The following TCF4 variants were observed in gnomAD, a reference collection of about 807,000 sequenced individuals.
TCF4 encodes SL3-3 enhancer factor 2.
Under a neutral mutation model 82.1 loss-of-function variants are expected in TCF4, and 3 were observed. The ratio of observed to expected loss-of-function variants is 0.04; its 90% CI spans 0.02 to 0.09. The LOEUF is 0.09. Ranked by LOEUF, TCF4 falls within the 10% of genes least tolerant of loss-of-function variation. The probability of loss-of-function intolerance (pLI) is 1.00; values close to 1 mark genes in which losing one functional copy is unlikely to be tolerated. For synonymous variants in TCF4, 276 were observed against 309.6 expected, an observed-to-expected ratio of 0.89 and a Z score of 1.14; for missense variants, 518 against 852.7, an observed-to-expected ratio of 0.61 and a Z score of 4.89.
intron 8 of TCF4, among the ~76,000 whole-genome samples, chr18:55,303,939 T>C (rs962628558): frequency 2.6e-5 from 4 of 152,276 alleles, no homozygotes; most frequent in Non-Finnish European, 4.4e-5. Flanking sequence ...TTCTCACCTC[T>C]TCACTTCCAA....
At chr18:55,522,131 C>T (rs915233132) in intron 3 of TCF4, among the ~76,000 whole-genome samples, 2 of 152,104 alleles carry the variant, frequency 1.3e-5, no homozygotes, top group African/African-American at 4.8e-5. Context: ...CTGATGTTAC[C>T]AGAGTGATGA....
intron 3 of TCF4, among the ~76,000 whole-genome samples, chr18:55,584,256 G>C (rs2097609279): frequency 6.6e-6 from 1 of 152,038 alleles, no homozygotes; most frequent in African/African-American, 2.4e-5. Flanking sequence ...TATATTCATA[G>C]TTGACAGACA....
chr18:55,424,089 CA>C (rs1326638661), intron 5 of TCF4, among the ~76,000 whole-genome samples: 1 of 152,148 alleles, frequency 6.6e-6, no homozygotes, highest in Non-Finnish European at 1.5e-5. Flanking sequence ...TGCGGCACCC[CA>C]ACTGTCTGCC....
At chr18:55,433,302 C>T (rs1053712344) in intron 5 of TCF4, among the ~76,000 whole-genome samples, 7 of 152,172 alleles carry the variant, frequency 4.6e-5, no homozygotes, top group African/African-American at 1.7e-4. Context: ...AACAAATGCT[C>T]CTCACAAACA....
At chr18:55,346,986 G>A (rs1291832531) in intron 8 of TCF4, among the ~76,000 whole-genome samples, 1 of 152,058 alleles carries the variant, frequency 6.6e-6, no homozygotes, top group Non-Finnish European at 1.5e-5. Context: ...GATTCAATGT[G>A]TATGATTATT....
At chr18:55,255,179 A>C (rs2056465082) in intron 14 of TCF4, among the ~76,000 whole-genome samples, 1 of 152,188 alleles carries the variant, frequency 6.6e-6, no homozygotes, top group African/African-American at 2.4e-5. Flanking sequence ...CTAAGTACCA[A>C]ATCAGAGACA....
rs758023117 is a variant in TCF4, at chr18:55,228,259, A to G, written c.1982T>C (p.Met661Thr). The G allele has an allele frequency of 2.5e-6, 4 of 1,614,152 alleles. No individual in the cohort carries two copies. The highest frequency in any genetic ancestry group is 3.4e-6 in the Non-Finnish European group (4 of 1,180,012). Reference protein sequence around the residue: ...PLSLAGPHPGMGDASNHMGQM With the variant: ...PLSLAGPHPGTGDASNHMGQM ...TCCCATGTGATTCGATGCGTCTCCC[A>G]TTCCAGGGTGTGGGCCGGCCAAGGA... Residue 661 changes from methionine to threonine, a missense_variant, in exon 19 of 20, where the codon ATG becomes ACG. Physicochemically the swap from Met to Thr is moderately conservative, Grantham distance 81. This residue lies in a region of TCF4 where 40 missense variants were observed against 41.5 expected (regional missense o/e 0.96). Coordinates refer to ENST00000354452, the MANE Select transcript of TCF4 (RefSeq NM_001083962.2).
chr18:55,388,933 C>T (rs1469373026), intron 6 of TCF4, among the ~76,000 whole-genome samples: 1 of 151,952 alleles, frequency 6.6e-6, no homozygotes, highest in Non-Finnish European at 1.5e-5. Flanking sequence ...ACCATCCTGG[C>T]TAACACGGTG....
chr18:55,265,543 T>G (rs1405058479), intron 11 of TCF4: 4 of 152,208 alleles, frequency 2.6e-5, no homozygotes, highest in Admixed American at 2.6e-4. Flanking sequence ...TTTATTGTTC[T>G]CTGCTGGTGG....
intron 8 of TCF4, among the ~76,000 whole-genome samples, chr18:55,340,121 C>G (rs976021238): frequency 2.0e-5 from 3 of 152,162 alleles, no homozygotes; most frequent in Admixed American, 2.0e-4. Flanking sequence ...CAGACCCGTT[C>G]CCGGCCTATT....
intron 3 of TCF4, among the ~76,000 whole-genome samples, chr18:55,476,748 G>A (rs558095651): frequency 9.9e-5 from 15 of 152,256 alleles, no homozygotes; most frequent in South Asian, 6.2e-4. Flanking sequence ...GATTATAGGC[G>A]TGAGCCACCA....
intron 2 of TCF4, among the ~76,000 whole-genome samples, chr18:55,609,339 G>A (rs1413409423): frequency 6.6e-6 from 1 of 152,130 alleles, no homozygotes; most frequent in Non-Finnish European, 1.5e-5. Context: ...GGTTTTTCAT[G>A]AAAATCCTTG....
chr18:55,302,488 G>A (rs1568854006), intron 8 of TCF4: 2 of 1,536,142 alleles, frequency 1.3e-6, no homozygotes, highest in Non-Finnish European at 1.7e-6. Flanking sequence ...ATTTCATCCT[G>A]TGGTGTTGTT....
At chr18:55,465,297 A>G (rs1015974574) in intron 3 of TCF4, among the ~76,000 whole-genome samples, 1 of 152,078 alleles carries the variant, frequency 6.6e-6, no homozygotes, top group Admixed American at 6.5e-5. Flanking sequence ...TATCAGCAGA[A>G]GTAATCATAG....
chr18:55,344,790 TG>T (rs1487502135), intron 8 of TCF4, among the ~76,000 whole-genome samples: 21 of 152,090 alleles, frequency 1.4e-4, no homozygotes, highest in Admixed American at 1.4e-3. Flanking sequence ...GGCTTCTTTC[TG>T]GGGGAAGGAA....
chr18:55,418,708 C>T (rs1255004802), intron 5 of TCF4, among the ~76,000 whole-genome samples: 1 of 152,136 alleles, frequency 6.6e-6, no homozygotes, highest in African/African-American at 2.4e-5. Context: ...ACATCTTTTG[C>T]CCAGGCCTAC....
At chr18:55,276,394 C>A (rs565155518) in intron 9 of TCF4, among the ~76,000 whole-genome samples, 15 of 152,000 alleles carry the variant, frequency 9.9e-5, no homozygotes, top group Admixed American at 6.6e-4. Flanking sequence ...TACAAACATG[C>A]CCTAGGTAGC....
At chr18:55,259,758 G>T in intron 13 of TCF4, 191 bp downstream of exon 13, 2 of 584,784 alleles carry the variant, frequency 3.4e-6, no homozygotes, top group Non-Finnish European at 6.1e-6. Flanking sequence ...TTAAGAAAAG[G>T]TTTGGATGTA....
chr18:55,615,403 G>C (rs747122494), intron 2 of TCF4, among the ~76,000 whole-genome samples: 1 of 151,680 alleles, frequency 6.6e-6, no homozygotes, highest in Non-Finnish European at 1.5e-5. Context: ...CCTGAACCTG[G>C]CTAAACTCAA....
Sources: allele counts gnomAD v4.1 joint callset (sites outside exome capture counted in the v4.1 genomes callset), GRCh38; gene constraint gnomAD v4.1.1; regional missense constraint gnomAD v4.1.1; transcripts MANE v1.5; gene names NCBI Gene and HGNC (gene_info 2026-07-23, HGNC 2026-07-21).